SOX5: variants seen among roughly 807,000 people sequenced by gnomAD.
The protein encoded by SOX5 is transcription factor SOX-5.
A neutral mutation model predicts 92.0 loss-of-function variants in SOX5; 9 were observed. The ratio of observed to expected loss-of-function variants is 0.10; its 90% CI spans 0.06 to 0.17. The LOEUF is 0.17. Ranked by LOEUF, SOX5 falls within the 10% of genes least tolerant of loss-of-function variation. The probability of loss-of-function intolerance (pLI) is 1.00; values close to 1 mark genes in which losing one functional copy is unlikely to be tolerated. For missense variants in SOX5, 642 were observed against 944.5 expected (o/e 0.68, Z 4.20); for synonymous variants, 344 against 336.3 (o/e 1.02, Z -0.25).
At chr12:24,316,077 C>T (rs1469826529) in intron 2 of SOX5, among the ~76,000 whole-genome samples, 2 of 152,214 alleles carry the variant, frequency 1.3e-5, no homozygotes, top group African/African-American at 4.8e-5. Flanking sequence ...CAGGGACAGT[C>T]ACCTGTGTCA....
At chr12:23,774,672 G>A (rs770727620) in intron 3 of SOX5, among the ~76,000 whole-genome samples, 23 of 152,104 alleles carry the variant, frequency 1.5e-4, no homozygotes, top group Non-Finnish European at 3.1e-4. Context: ...AAAGGCAAAT[G>A]AGAAATTCTT....
rs539245961 is a variant in SOX5, at chr12:23,981,403, G to T, written c.-1-85379C>A. 6.6e-5 allele frequency among the ~76,000 whole-genome samples: 10 copies of T among 152,276 alleles called. No homozygotes were observed. The East Asian group carries it at 1.9e-3, about 29-fold the overall frequency. On this transcript the variant is annotated intron_variant, in intron 4 of 4. Coordinates refer to the SOX5 transcript ENST00000446891. ...TCAAGAATACTTTTTTATGGTGGTGGTGATGTGGTAATTAATAGTAATTAA... is the reference window on the plus strand; with the variant it reads ...TCAAGAATACTTTTTTATGGTGGTGTTGATGTGGTAATTAATAGTAATTAA...
At chr12:24,425,844 C>A (rs990119007) in intron 1 of SOX5, among the ~76,000 whole-genome samples, 1 of 152,126 alleles carries the variant, frequency 6.6e-6, no homozygotes, top group South Asian at 2.1e-4. Flanking sequence ...GATCACCAGG[C>A]AGAATTAGAA....
intron 1 of SOX5, among the ~76,000 whole-genome samples, chr12:24,442,215 T>C (rs1940727484): frequency 6.6e-6 from 1 of 152,232 alleles, no homozygotes; most frequent in Non-Finnish European, 1.5e-5. Context: ...CTAACTCATT[T>C]AGAGTATACA....
chr12:23,720,966 A>T (rs2092782259), intron 6 of SOX5, among the ~76,000 whole-genome samples: 1 of 152,224 alleles, frequency 6.6e-6, no homozygotes, highest in Admixed American at 6.5e-5. Context: ...CTAATTAGTT[A>T]TAGGACTTGG....
intron 3 of SOX5, among the ~76,000 whole-genome samples, chr12:23,794,217 T>C (rs924319582): frequency 6.6e-6 from 1 of 151,970 alleles, no homozygotes; most frequent in Non-Finnish European, 1.5e-5. Flanking sequence ...TTTATTTTAG[T>C]GAACAGAAAA....
chr12:24,267,450 G>C (rs930167952), intron 3 of SOX5, among the ~76,000 whole-genome samples: 3 of 152,102 alleles, frequency 2.0e-5, no homozygotes, highest in Non-Finnish European at 2.9e-5. Flanking sequence ...TTATGAATTA[G>C]GGAATACTTT....
chr12:23,675,219 T>C (rs568220072), intron 6 of SOX5, among the ~76,000 whole-genome samples: 5 of 152,324 alleles, frequency 3.3e-5, no homozygotes, highest in African/African-American at 9.6e-5. Flanking sequence ...TGCAATGAGC[T>C]TTTGATTATT....
chr12:24,009,280 T>G (rs1014943312), intron 4 of SOX5, among the ~76,000 whole-genome samples: 54 of 152,046 alleles, frequency 3.6e-4, no homozygotes, highest in African/African-American at 1.3e-3. Flanking sequence ...AGCCTCTGAG[T>G]GTTGGGTTGG....
At chr12:23,831,861 A>G (rs1305175271) in intron 3 of SOX5, among the ~76,000 whole-genome samples, 3 of 151,890 alleles carry the variant, frequency 2.0e-5, no homozygotes, top group Non-Finnish European at 2.9e-5. Flanking sequence ...ATGGCAAAAC[A>G]ATTTTGGAGG....
At chr12:23,966,941 C>T (rs538706345) in intron 4 of SOX5, among the ~76,000 whole-genome samples, 1 of 152,200 alleles carries the variant, frequency 6.6e-6, no homozygotes, top group South Asian at 2.1e-4. Flanking sequence ...ACTCTTCATA[C>T]CAGTGATTAT....
chr12:23,676,949 T>A (rs12426427), intron 6 of SOX5, among the ~76,000 whole-genome samples: 18,086 of 152,224 alleles, frequency 0.12, 1,466 homozygotes, highest in South Asian at 0.16. Context: ...CCTAGCTTAA[T>A]GCCTCAAACA....
intron 4 of SOX5, among the ~76,000 whole-genome samples, chr12:23,744,656 T>C (rs1485374372): frequency 6.6e-6 from 1 of 152,182 alleles, no homozygotes; most frequent in Non-Finnish European, 1.5e-5. Context: ...TAAAAGTGTA[T>C]AGTAAAAGAT....
At chr12:23,702,126 G>A (rs12320187) in intron 6 of SOX5, among the ~76,000 whole-genome samples, 22 of 152,036 alleles carry the variant, frequency 1.4e-4, no homozygotes, top group African/African-American at 4.1e-4. Flanking sequence ...TGTTTTAAGC[G>A]TAATAATATA....
intron 8 of SOX5, among the ~76,000 whole-genome samples, chr12:23,605,823 T>G (rs1288089899): frequency 6.6e-6 from 1 of 151,982 alleles, no homozygotes; most frequent in South Asian, 2.1e-4. Flanking sequence ...TACATTAAAG[T>G]TATCGATAAA....
At position 24,036,398 on chromosome 12, in the gene SOX5, T is replaced by C. The variant is rs572956044; in HGVS notation, c.-1-140374A>G. 2.0e-5 allele frequency among the ~76,000 whole-genome samples: 3 copies of C among 152,282 alleles called. No individual in the cohort carries two copies. The East Asian group carries it at 5.8e-4, about 29-fold the overall frequency. ...TGGCATTCAAATGCTCAAATGTTTC[T>C]ACAGTACCTTACAAAATAATTAGAT... On this transcript the variant is annotated intron_variant, in intron 4 of 4. Transcript: ENST00000446891.
chr12:24,231,198 A>G (rs995081007), intron 3 of SOX5, among the ~76,000 whole-genome samples: 13 of 152,246 alleles, frequency 8.5e-5, no homozygotes, highest in African/African-American at 2.9e-4. Context: ...CTTGCTCTTC[A>G]AATTTCAGTT....
chr12:24,534,382 A>C (rs545491796), intron 1 of SOX5, among the ~76,000 whole-genome samples: 1 of 152,280 alleles, frequency 6.6e-6, no homozygotes, highest in East Asian at 1.9e-4. Context: ...AATGCTTACA[A>C]AATAAATTAT....
At chr12:24,409,164 T>C (rs536849595) in intron 1 of SOX5, among the ~76,000 whole-genome samples, 3 of 152,326 alleles carry the variant, frequency 2.0e-5, no homozygotes, top group African/African-American at 7.2e-5. Flanking sequence ...AATGAGATAA[T>C]GTCCTTTGCA....
Sources: gnomAD v4.1 joint callset for allele counts (sites outside exome capture counted in the v4.1 genomes callset) on GRCh38, gnomAD v4.1.1 for gene constraint, MANE v1.5 for transcripts, NCBI Gene and HGNC (gene_info 2026-07-23, HGNC 2026-07-21) for gene names.